CAMKMT: variants seen among roughly 807,000 people sequenced by gnomAD.
The protein encoded by CAMKMT is calmodulin-lysine N-methyltransferase.
In CAMKMT, 53 loss-of-function variants were observed where a neutral mutation model predicts 48.0. The observed-to-expected ratio is 1.10, with a 90% CI of 0.89 to 1.39. The LOEUF (loss-of-function observed/expected upper bound fraction) is 1.39, where lower values mean the gene tolerates loss of function less well. CAMKMT is among the 40% of genes most tolerant of loss of function. The pLI is 0.00. For synonymous variants in CAMKMT, 165 were observed against 152.3 expected (o/e 1.08, Z -0.61); for missense variants, 428 against 402.7 (o/e 1.06, Z -0.54).
At chr2:44,377,108 G>T (rs1043493847) in intron 2 of CAMKMT, among the ~76,000 whole-genome samples, 1 of 152,062 alleles carries the variant, frequency 6.6e-6, no homozygotes, top group Non-Finnish European at 1.5e-5. Context: ...CCAGGCTTAA[G>T]CAATCCGCCC....
At chr2:44,524,962 T>C (rs1370781948) in intron 3 of CAMKMT, among the ~76,000 whole-genome samples, 1 of 102,676 alleles carries the variant, frequency 9.7e-6, no homozygotes, top group Non-Finnish European at 2.3e-5. Flanking sequence ...AGTGCAAATT[T>C]CATAAAAAAA....
chr2:44,686,261 C>T (rs1412169944), intron 3 of CAMKMT, among the ~76,000 whole-genome samples: 2 of 151,766 alleles, frequency 1.3e-5, no homozygotes, highest in Non-Finnish European at 2.9e-5. Context: ...GGCATGGTGG[C>T]GGGCGCCTGT....
chr2:44,470,689 T>C (rs1204134368), intron 3 of CAMKMT, among the ~76,000 whole-genome samples: 6 of 152,222 alleles, frequency 3.9e-5, no homozygotes, highest in African/African-American at 1.2e-4. Flanking sequence ...ATTGCTAATA[T>C]ATATGCATGT....
At chr2:44,386,940 G>A (rs1043610594) in intron 2 of CAMKMT, among the ~76,000 whole-genome samples, 10 of 152,110 alleles carry the variant, frequency 6.6e-5, no homozygotes, top group Admixed American at 4.6e-4. Context: ...CCTATCATAT[G>A]GTCTGTCTTG....
At chr2:44,387,050 T>C (rs890764335) in intron 2 of CAMKMT, among the ~76,000 whole-genome samples, 1 of 152,182 alleles carries the variant, frequency 6.6e-6, no homozygotes, top group African/African-American at 2.4e-5. Flanking sequence ...CAAGGTATAG[T>C]TTAAATCTAT....
chr2:44,501,519 T>A (rs1436812446), intron 3 of CAMKMT, among the ~76,000 whole-genome samples: 1 of 152,206 alleles, frequency 6.6e-6, no homozygotes, highest in African/African-American at 2.4e-5. Flanking sequence ...GAATTTAAGT[T>A]GCCTATCTCC....
At chr2:44,366,824 C>T (rs563214801) in intron 1 of CAMKMT, among the ~76,000 whole-genome samples, 2 of 152,128 alleles carry the variant, frequency 1.3e-5, no homozygotes, top group South Asian at 2.1e-4. Context: ...TGGGTTCAAA[C>T]GATTCTTGTG....
At chr2:44,602,792 G>C (rs1282279254) in intron 3 of CAMKMT, among the ~76,000 whole-genome samples, 1 of 152,006 alleles carries the variant, frequency 6.6e-6, no homozygotes, top group African/African-American at 2.4e-5. Flanking sequence ...TCGCATCCAC[G>C]ATCCAGTGAC....
chr2:44,768,335 C>A (rs1417130703), intron 10 of CAMKMT, among the ~76,000 whole-genome samples: 1 of 124,308 alleles, frequency 8.0e-6, no homozygotes, highest in Non-Finnish European at 1.7e-5. Flanking sequence ...TATAAACGGG[C>A]GCCCATGATA....
At chr2:44,750,584 G>A (rs1680113400) in intron 8 of CAMKMT, among the ~76,000 whole-genome samples, 2 of 152,190 alleles carry the variant, frequency 1.3e-5, no homozygotes, top group African/African-American at 4.8e-5. Context: ...GAAGATGTAT[G>A]TCTCATACAC....
chr2:44,465,898 C>A (rs1217684747), intron 3 of CAMKMT, among the ~76,000 whole-genome samples: 1 of 152,014 alleles, frequency 6.6e-6, no homozygotes, highest in African/African-American at 2.4e-5. Flanking sequence ...CCTACTTAGA[C>A]AAAATAAACT....
intron 3 of CAMKMT, among the ~76,000 whole-genome samples, chr2:44,639,484 TC>T (rs1673327703): frequency 6.6e-6 from 1 of 152,236 alleles, no homozygotes; most frequent in South Asian, 2.1e-4. Flanking sequence ...CGCTTCAGTT[TC>T]CTTATCTTTA....
intron 3 of CAMKMT, among the ~76,000 whole-genome samples, chr2:44,578,497 G>A (rs1399751094): frequency 6.6e-6 from 1 of 152,018 alleles, no homozygotes; most frequent in African/African-American, 2.4e-5. Context: ...ATGTGTTACT[G>A]AGGTATTTTT....
chr2:44,549,526 A>C, intron 3 of CAMKMT: 1 of 693,792 alleles, frequency 1.4e-6, no homozygotes, highest in East Asian at 2.7e-5. Context: ...CCTAAAATGT[A>C]TATATAATTT....
chr2:44,498,575 G>A (rs1669866454), intron 3 of CAMKMT, among the ~76,000 whole-genome samples: 1 of 152,172 alleles, frequency 6.6e-6, no homozygotes, highest in Non-Finnish European at 1.5e-5. Context: ...CAGTGGTTTT[G>A]ATGATAAAAT....
intron 3 of CAMKMT, among the ~76,000 whole-genome samples, chr2:44,476,396 G>A (rs1352213187): frequency 3.3e-5 from 5 of 152,022 alleles, no homozygotes; most frequent in East Asian, 1.9e-4. Context: ...TTCTTAAAAT[G>A]GGATACATAG....
chr2:44,424,958 C>T (rs368727444), intron 3 of CAMKMT, among the ~76,000 whole-genome samples: 2 of 152,220 alleles, frequency 1.3e-5, no homozygotes, highest in African/African-American at 4.8e-5. Context: ...GGGGACAAAA[C>T]TGTAAAGTTT....
intron 3 of CAMKMT, among the ~76,000 whole-genome samples, chr2:44,695,979 G>C (rs948013407): frequency 6.6e-6 from 1 of 151,952 alleles, no homozygotes; most frequent in Non-Finnish European, 1.5e-5. Context: ...GTCTCACTCT[G>C]TCACCCAGGC....
chr2:44,518,787 A>C (rs563429471), intron 3 of CAMKMT, among the ~76,000 whole-genome samples: 1 of 152,332 alleles, frequency 6.6e-6, no homozygotes, highest in South Asian at 2.1e-4. Flanking sequence ...AGACGTACCC[A>C]GATGAAATCA....
Sources: allele counts gnomAD v4.1 joint callset (sites outside exome capture counted in the v4.1 genomes callset), GRCh38; gene constraint gnomAD v4.1.1; transcripts MANE v1.5; gene names NCBI Gene and HGNC (gene_info 2026-07-23, HGNC 2026-07-21).